Variants in AGBL4 observed in about 807,000 individuals in gnomAD.
AGBL4 encodes cytosolic carboxypeptidase 6.
In AGBL4, 58 loss-of-function variants were observed where a neutral mutation model predicts 66.4. The ratio of observed to expected loss-of-function variants is 0.87; its 90% CI spans 0.71 to 1.09. The LOEUF is 1.09. Among genes scored for constraint, AGBL4 ranks in the 50% least tolerant of loss-of-function variants. The pLI is 0.00. For missense variants in AGBL4, 579 were observed against 631.0 expected, an observed-to-expected ratio of 0.92 and a Z score of 0.88; for synonymous variants, 234 against 222.9, an observed-to-expected ratio of 1.05 and a Z score of -0.44.
At chr1:49,301,112 C>T (rs1476280011) in intron 3 of AGBL4, among the ~76,000 whole-genome samples, 2 of 152,154 alleles carry the variant, frequency 1.3e-5, no homozygotes, top group African/African-American at 4.8e-5. Context: ...CCATAAATGA[C>T]CTTTGATTGG....
intron 5 of AGBL4, among the ~76,000 whole-genome samples, chr1:49,025,046 G>C (rs191126684): frequency 2.0e-4 from 30 of 152,256 alleles, no homozygotes; most frequent in African/African-American, 5.1e-4. Context: ...TGAGTAACTG[G>C]CCCAAAGTTA....
intron 1 of AGBL4, among the ~76,000 whole-genome samples, chr1:49,924,286 C>T (rs1237451435): frequency 6.6e-6 from 1 of 152,072 alleles, no homozygotes; most frequent in Admixed American, 6.6e-5. Flanking sequence ...CTGGGGCCTT[C>T]TGGAGGATGG....
At chr1:49,079,557 C>G (rs1644771100) in intron 4 of AGBL4, among the ~76,000 whole-genome samples, 1 of 152,156 alleles carries the variant, frequency 6.6e-6, no homozygotes, top group African/African-American at 2.4e-5. Flanking sequence ...ACCTCCCTCT[C>G]TTGACACGTG....
At chr1:48,722,757 G>A (rs546975252) in intron 6 of AGBL4, among the ~76,000 whole-genome samples, 19 of 152,200 alleles carry the variant, frequency 1.2e-4, no homozygotes, top group Admixed American at 9.8e-4. Context: ...ATGCTAATTC[G>A]AAGTCGGAGA....
intron 6 of AGBL4, among the ~76,000 whole-genome samples, chr1:48,695,301 G>T (rs139528509): frequency 6.6e-6 from 1 of 152,152 alleles, no homozygotes; most frequent in Non-Finnish European, 1.5e-5. Flanking sequence ...TAAACAAATG[G>T]CACAGTGACA....
chr1:48,659,093 G>C (rs1164142434), intron 7 of AGBL4, among the ~76,000 whole-genome samples: 3 of 152,160 alleles, frequency 2.0e-5, no homozygotes, highest in African/African-American at 7.2e-5. Flanking sequence ...ATTCTGAAAA[G>C]AAGAGCTGAG....
At chr1:49,761,952 C>T (rs1053136369) in intron 2 of AGBL4, among the ~76,000 whole-genome samples, 1 of 151,984 alleles carries the variant, frequency 6.6e-6, no homozygotes. Flanking sequence ...TGTATATATA[C>T]CATATTTTAT....
Position 48,664,994 on chromosome 1 carries a change from T to C in AGBL4, c.635-1753A>G, listed in dbSNP as rs1646163547. On this transcript the variant is annotated intron_variant, in intron 6 of 13. Coordinates refer to ENST00000371839, the MANE Select transcript of AGBL4 (RefSeq NM_032785.4). ...CTGAAATGCTGGAGACATGCTATTC[T>C]GAACGTGGTTCTTTATCCCAACAGT... Among the ~76,000 whole-genome samples, 3 of 152,234 alleles carry C rather than the reference T, an allele frequency of 2.0e-5. No homozygotes were observed. In the South Asian group the frequency reaches 6.2e-4, roughly 31 times the overall value.
chr1:49,764,970 G>C (rs774083649), intron 2 of AGBL4, among the ~76,000 whole-genome samples: 5 of 152,154 alleles, frequency 3.3e-5, no homozygotes, highest in Admixed American at 6.5e-5. Context: ...AGCCTATATA[G>C]GATGCAGAGC....
At chr1:49,879,103 A>C (rs1647126924) in intron 1 of AGBL4, among the ~76,000 whole-genome samples, 2 of 86,750 alleles carry the variant, frequency 2.3e-5, no homozygotes, top group Middle Eastern at 8.9e-3. Context: ...ATGGGTCTTG[A>C]CTCTTTATCC....
At chr1:49,330,879 A>T (rs1205517993) in intron 3 of AGBL4, among the ~76,000 whole-genome samples, 1 of 152,130 alleles carries the variant, frequency 6.6e-6, no homozygotes, top group African/African-American at 2.4e-5. Flanking sequence ...TGGTACTCGA[A>T]TTAGGCCTGA....
intron 4 of AGBL4, among the ~76,000 whole-genome samples, chr1:49,206,500 G>C (rs1355665574): frequency 6.6e-6 from 1 of 151,902 alleles, no homozygotes; most frequent in Non-Finnish European, 1.5e-5. Context: ...TTTCAGTTAA[G>C]GCAAACCTGC....
At chr1:49,538,079 A>T (rs546828703) in intron 3 of AGBL4, among the ~76,000 whole-genome samples, 1 of 152,366 alleles carries the variant, frequency 6.6e-6, no homozygotes, top group South Asian at 2.1e-4. Context: ...CATTTGATCT[A>T]GGAATCTCAC....
At chr1:48,524,848 CT>C in the AGBL4 span, among the ~76,000 whole-genome samples, 6,296 of 144,288 alleles carry the variant, frequency 0.044, 339 homozygotes, top group African/African-American at 0.13. Context: ...CAGCTTTCTC[CT>C]TTTTTTTTTT....
chr1:49,052,960 A>G (rs1315663995), intron 4 of AGBL4, among the ~76,000 whole-genome samples: 1 of 152,210 alleles, frequency 6.6e-6, no homozygotes, highest in African/African-American at 2.4e-5. Context: ...TTAATCAGTC[A>G]TGTAACCTTG....
chr1:48,769,932 T>G (rs1001821432), intron 6 of AGBL4, among the ~76,000 whole-genome samples: 1 of 152,220 alleles, frequency 6.6e-6, no homozygotes, highest in South Asian at 2.1e-4. Flanking sequence ...CTCTCTAAAA[T>G]TTCCTCTTCA....
At chr1:49,203,860 T>C (rs1303855523) in intron 4 of AGBL4, among the ~76,000 whole-genome samples, 1 of 152,170 alleles carries the variant, frequency 6.6e-6, no homozygotes, top group African/African-American at 2.4e-5. Context: ...TAGAGATATG[T>C]TGTACAACAA....
intron 3 of AGBL4, among the ~76,000 whole-genome samples, chr1:49,621,891 G>C (rs185798109): frequency 6.6e-6 from 1 of 152,214 alleles, no homozygotes; most frequent in East Asian, 1.9e-4. Flanking sequence ...CAGAGATTTG[G>C]AAACTAATAA....
intron 3 of AGBL4, among the ~76,000 whole-genome samples, chr1:49,658,065 T>G (rs572977427): frequency 6.6e-6 from 1 of 151,994 alleles, no homozygotes; most frequent in African/African-American, 2.4e-5. Flanking sequence ...TCAGAGTGAA[T>G]AGGCAACCTA....
Sources: gnomAD v4.1 joint callset for allele counts (sites outside exome capture counted in the v4.1 genomes callset) on GRCh38, gnomAD v4.1.1 for gene constraint, MANE v1.5 for transcripts, NCBI Gene and HGNC (gene_info 2026-07-23, HGNC 2026-07-21) for gene names.